The following TBC1D5 variants were observed in gnomAD, a reference collection of about 807,000 sequenced individuals.
The protein encoded by TBC1D5 is TBC1 domain family member 5, also known as TBC1 domain family, member 5.
TBC1D5 carries 75 observed loss-of-function variants against 100.3 expected under a neutral mutation model. The observed-to-expected ratio is 0.75, with a 90% confidence interval of 0.62 to 0.91. TBC1D5 has a LOEUF of 0.91. TBC1D5 is among the 40% of genes least tolerant of loss of function. The pLI, the probability that TBC1D5 is intolerant of heterozygous loss-of-function variation, is 0.00. For missense variants in TBC1D5, 910 were observed against 942.4 expected, an observed-to-expected ratio of 0.97 and a Z score of 0.45; for synonymous variants, 323 against 325.6, an observed-to-expected ratio of 0.99 and a Z score of 0.09.
chr3:17,694,593 T>C (rs1367033836), intron 1 of TBC1D5, among the ~76,000 whole-genome samples: 1 of 152,186 alleles, frequency 6.6e-6, no homozygotes, highest in Non-Finnish European at 1.5e-5. Context: ...AATATGTGAC[T>C]GTGTGAAAAG....
intron 2 of TBC1D5, among the ~76,000 whole-genome samples, chr3:17,529,650 T>C (rs965982143): frequency 4.6e-5 from 7 of 150,788 alleles, no homozygotes; most frequent in South Asian, 4.2e-4. Flanking sequence ...ATTATTATTA[T>C]TTTTATTTTT....
intron 14 of TBC1D5, among the ~76,000 whole-genome samples, chr3:17,299,837 C>T (rs283937): frequency 0.43 from 58,244 of 134,058 alleles, 12,465 homozygotes; most frequent in Middle Eastern, 0.6. Flanking sequence ...CCAGCCTGGA[C>T]GACAGAGCGA....
chr3:17,501,419 T>C (rs1038914791), intron 3 of TBC1D5, among the ~76,000 whole-genome samples: 8 of 149,412 alleles, frequency 5.4e-5, no homozygotes, highest in Admixed American at 5.3e-4. Context: ...ATTAGATAGG[T>C]ACATTTAATA....
intron 13 of TBC1D5, among the ~76,000 whole-genome samples, chr3:17,309,963 G>T (rs960395209): frequency 2.0e-5 from 3 of 152,026 alleles, no homozygotes; most frequent in Non-Finnish European, 4.4e-5. Flanking sequence ...GTAGATGAAG[G>T]TTAATACACA....
At chr3:17,249,232 T>G (rs2076989167) in intron 16 of TBC1D5, among the ~76,000 whole-genome samples, 2 of 152,228 alleles carry the variant, frequency 1.3e-5, no homozygotes, top group African/African-American at 4.8e-5. Flanking sequence ...AAACTTTTCC[T>G]TTGCTTTCAT....
intron 14 of TBC1D5, among the ~76,000 whole-genome samples, chr3:17,298,399 A>C (rs1559579032): frequency 6.6e-6 from 1 of 152,230 alleles, no homozygotes; most frequent in Non-Finnish European, 1.5e-5. Flanking sequence ...GAGAAACATA[A>C]AATTAACTGC....
At chr3:17,513,969 A>T (rs2095948481) in intron 2 of TBC1D5, among the ~76,000 whole-genome samples, 1 of 152,188 alleles carries the variant, frequency 6.6e-6, no homozygotes, top group African/African-American at 2.4e-5. Flanking sequence ...GCTAAAGGTA[A>T]ATTCAATGAT....
At chr3:17,245,816 A>T (rs1310375171) in intron 16 of TBC1D5, among the ~76,000 whole-genome samples, 1 of 152,334 alleles carries the variant, frequency 6.6e-6, no homozygotes. Flanking sequence ...ATTTATTTGA[A>T]CTATTTGAAT....
chr3:17,639,691 A>C (rs1577171850), intron 1 of TBC1D5, among the ~76,000 whole-genome samples: 2 of 152,264 alleles, frequency 1.3e-5, no homozygotes, highest in East Asian at 1.9e-4. Context: ...GTGTCTGAGT[A>C]CGCTTTGAAG....
At chr3:17,498,282 T>C (rs890063270) in intron 3 of TBC1D5, among the ~76,000 whole-genome samples, 3 of 151,994 alleles carry the variant, frequency 2.0e-5, no homozygotes, top group Non-Finnish European at 2.9e-5. Context: ...AAAAAAATGA[T>C]TGCAAGTTTC....
intron 15 of TBC1D5, among the ~76,000 whole-genome samples, chr3:17,266,883 T>A (rs974039217): frequency 6.6e-6 from 1 of 151,678 alleles, no homozygotes; most frequent in Non-Finnish European, 1.5e-5. Flanking sequence ...TATGCATCTA[T>A]AGAGTAAACC....
chr3:17,320,117 G>A (rs1426122215), intron 13 of TBC1D5, among the ~76,000 whole-genome samples: 4 of 152,042 alleles, frequency 2.6e-5, no homozygotes, highest in South Asian at 2.1e-4. Context: ...GTCTTTGTTC[G>A]TGTAAATATA....
chr3:17,542,005 T>C (rs774706890), intron 2 of TBC1D5, among the ~76,000 whole-genome samples: 2 of 152,194 alleles, frequency 1.3e-5, no homozygotes, highest in Non-Finnish European at 2.9e-5. Context: ...ACATCAATTA[T>C]GACCAAGGGT....
rs116543825 is a variant in TBC1D5 at position 17,203,505 on chromosome 3, G to A, written c.1752+10702C>T. On this transcript the variant is annotated intron_variant, in intron 18 of 21. Coordinates refer to ENST00000253692, the Ensembl canonical transcript of TBC1D5. ...TATGAGAAGGACATGAGATTTGGGA[G>A]GAGCCAGGTACAGGATAATATGGTT... Among the ~76,000 whole-genome samples, 663 of 152,238 alleles carry A rather than the reference G, an allele frequency of 4.4e-3. 7 individuals are homozygous for A. The highest frequency in any genetic ancestry group is 0.015 in the African/African-American group (626 of 41,546).
At chr3:17,458,609 C>CAGTA (rs965602332) in intron 3 of TBC1D5, among the ~76,000 whole-genome samples, 1 of 152,086 alleles carries the variant, frequency 6.6e-6, no homozygotes, top group African/African-American at 2.4e-5. Flanking sequence ...CCAGGTAAGT[C>CAGTA]AGTACTTGTA....
intron 13 of TBC1D5, among the ~76,000 whole-genome samples, chr3:17,339,669 T>C (rs77405674): frequency 1.1e-3 from 168 of 152,346 alleles, no homozygotes; most frequent in African/African-American, 3.9e-3. Flanking sequence ...AGGATATATG[T>C]GTACATATGT....
chr3:17,731,318 T>C (rs1286685708), intron 1 of TBC1D5, among the ~76,000 whole-genome samples: 1 of 151,886 alleles, frequency 6.6e-6, no homozygotes, highest in African/African-American at 2.4e-5. Context: ...CTCGCCAACA[T>C]GGTGAAACCC....
At chr3:17,403,750 T>C (rs1468802371) in intron 7 of TBC1D5, among the ~76,000 whole-genome samples, 1 of 152,150 alleles carries the variant, frequency 6.6e-6, no homozygotes, top group East Asian at 1.9e-4. Flanking sequence ...GTAGTGCCCA[T>C]GAGGGGCCTG....
intron 13 of TBC1D5, among the ~76,000 whole-genome samples, chr3:17,356,881 T>C (rs2091260165): frequency 6.6e-6 from 1 of 152,160 alleles, no homozygotes; most frequent in Non-Finnish European, 1.5e-5. Flanking sequence ...GGAGGCAAAA[T>C]GACCTATGAC....
Sources: allele counts gnomAD v4.1 joint callset (sites outside exome capture counted in the v4.1 genomes callset), GRCh38; gene constraint gnomAD v4.1.1; transcripts MANE v1.5; gene names NCBI Gene and HGNC (gene_info 2026-07-23, HGNC 2026-07-21).